GRM8: variants seen among roughly 807,000 people sequenced by gnomAD.
The protein encoded by GRM8 is glutamate metabotropic receptor 8, also known as metabotropic glutamate receptor 8.
Under a neutral mutation model 87.2 loss-of-function variants are expected in GRM8, and 47 were observed. The observed-to-expected ratio is 0.54, with a 90% CI of 0.43 to 0.69. The LOEUF is 0.69. GRM8 is among the 30% of genes least tolerant of loss of function. The pLI, the probability that GRM8 is intolerant of heterozygous loss-of-function variation, is 0.00. For missense variants in GRM8, 1,019 were observed against 1,139.2 expected, an observed-to-expected ratio of 0.89 and a Z score of 1.52; for synonymous variants, 396 against 404.5, an observed-to-expected ratio of 0.98 and a Z score of 0.25.
At chr7:126,687,625 T>C (rs1396935868) in intron 7 of GRM8, among the ~76,000 whole-genome samples, 1 of 150,858 alleles carries the variant, frequency 6.6e-6, no homozygotes, top group Non-Finnish European at 1.5e-5. Flanking sequence ...ATGGAATTGG[T>C]AGATCATCTG....
intron 7 of GRM8, among the ~76,000 whole-genome samples, chr7:126,707,730 T>C (rs1259472887): frequency 1.3e-5 from 2 of 152,034 alleles, no homozygotes; most frequent in Non-Finnish European, 2.9e-5. Context: ...TCTTACACCA[T>C]ACACAAAAAT....
chr7:126,940,461 G>A (rs1563336351), intron 3 of GRM8, among the ~76,000 whole-genome samples: 1 of 152,086 alleles, frequency 6.6e-6, no homozygotes. Flanking sequence ...GGCCGCATAT[G>A]GTGGGCACTC....
At chr7:126,521,091 G>A (rs569367895) in intron 9 of GRM8, among the ~76,000 whole-genome samples, 14 of 152,218 alleles carry the variant, frequency 9.2e-5, no homozygotes, top group Middle Eastern at 3.4e-3. Flanking sequence ...TTCAATTTGA[G>A]TAGATGAGGA....
At chr7:127,176,487 G>A (rs1794116025) in intron 2 of GRM8, among the ~76,000 whole-genome samples, 1 of 152,158 alleles carries the variant, frequency 6.6e-6, no homozygotes, top group Non-Finnish European at 1.5e-5. Flanking sequence ...ACAGGAGGCA[G>A]GACTAGATTA....
chr7:126,873,773 A>G (rs76625649), intron 6 of GRM8, among the ~76,000 whole-genome samples: 3,436 of 152,172 alleles, frequency 0.023, 141 homozygotes, highest in African/African-American at 0.079. Flanking sequence ...CAACATGGCA[A>G]CCTATTGGGC....
Position 126,842,061 on chromosome 7 carries a change from G to A in GRM8, c.1156+60481C>T, listed in dbSNP as rs578092347. ...TCAATAAATTGTTAAACCATTTAAC[G>A]TTTTTGCCAGAGAAAGAACACAATA... On this transcript the variant is annotated intron_variant, in intron 6 of 10. Coordinates refer to ENST00000339582, the MANE Select transcript of GRM8 (RefSeq NM_000845.3). 8.5e-5 allele frequency among the ~76,000 whole-genome samples: 13 copies of A among 152,276 alleles called. No individual in the cohort carries two copies. In the East Asian group the frequency reaches 9.6e-4, roughly 11 times the overall value.
chr7:126,860,116 A>C (rs913178739), intron 6 of GRM8, among the ~76,000 whole-genome samples: 1 of 152,188 alleles, frequency 6.6e-6, no homozygotes, highest in Non-Finnish European at 1.5e-5. Flanking sequence ...AGGACAAATA[A>C]CTTACAAATA....
At chr7:127,176,503 C>A (rs2116369631) in intron 2 of GRM8, among the ~76,000 whole-genome samples, 1 of 152,216 alleles carries the variant, frequency 6.6e-6, no homozygotes, top group South Asian at 2.1e-4. Context: ...GATTACAGCT[C>A]CAGAGACAGC....
chr7:126,875,508 A>C (rs1414471536), intron 6 of GRM8, among the ~76,000 whole-genome samples: 3 of 152,222 alleles, frequency 2.0e-5, no homozygotes, highest in Non-Finnish European at 4.4e-5. Context: ...TTAAGAAGTC[A>C]CCATAGGTAT....
At chr7:126,769,092 A>C (rs1480214052) in intron 7 of GRM8, among the ~76,000 whole-genome samples, 1 of 152,070 alleles carries the variant, frequency 6.6e-6, no homozygotes, top group East Asian at 1.9e-4. Context: ...GATTAAAGCC[A>C]AACCAAAAGT....
intron 3 of GRM8, among the ~76,000 whole-genome samples, chr7:127,017,598 C>G (rs532477361): frequency 4.6e-5 from 7 of 152,076 alleles, no homozygotes; most frequent in African/African-American, 1.7e-4. Context: ...TTTTCAGAGG[C>G]TAGAAAATTG....
intron 6 of GRM8, among the ~76,000 whole-genome samples, chr7:126,806,353 C>T (rs1010375527): frequency 6.6e-6 from 1 of 152,206 alleles, no homozygotes; most frequent in African/African-American, 2.4e-5. Flanking sequence ...AGTGTTACAG[C>T]TCAGAAAGCT....
intron 6 of GRM8, among the ~76,000 whole-genome samples, chr7:126,805,506 G>A (rs1346717150): frequency 6.6e-6 from 1 of 152,148 alleles, no homozygotes; most frequent in South Asian, 2.1e-4. Context: ...AGTATTACTA[G>A]AGGTTCCACT....
chr7:126,477,577 AAGAG>A (rs1250709744), intron 9 of GRM8, among the ~76,000 whole-genome samples: 45 of 77,720 alleles, frequency 5.8e-4, no homozygotes, highest in African/African-American at 2.4e-3. Context: ...GAAAGAAAGA[AAGAG>A]AGAAAGAAAG....
At chr7:126,606,648 CA>C (rs1798381052) in intron 8 of GRM8, among the ~76,000 whole-genome samples, 1 of 152,162 alleles carries the variant, frequency 6.6e-6, no homozygotes, top group African/African-American at 2.4e-5. Flanking sequence ...CCTCTCTCCA[CA>C]GTGCAATTTA....
intron 3 of GRM8, among the ~76,000 whole-genome samples, chr7:126,952,089 A>G (rs1451641296): frequency 3.3e-5 from 5 of 151,964 alleles, no homozygotes; most frequent in Non-Finnish European, 5.9e-5. Context: ...AGCAGGAGGA[A>G]AAAAATAAGC....
intron 9 of GRM8, among the ~76,000 whole-genome samples, chr7:126,502,556 G>A (rs1331598894): frequency 6.6e-6 from 1 of 152,024 alleles, no homozygotes; most frequent in Non-Finnish European, 1.5e-5. Context: ...TACAGAAGAG[G>A]AAAACATTGG....
At chr7:126,725,959 T>G (rs1338283462) in intron 7 of GRM8, among the ~76,000 whole-genome samples, 5 of 152,142 alleles carry the variant, frequency 3.3e-5, no homozygotes, top group Admixed American at 3.3e-4. Flanking sequence ...GCCCCCAGGA[T>G]GAAAACACCA....
chr7:127,011,559 C>CA (rs1393214218), intron 3 of GRM8, among the ~76,000 whole-genome samples: 4 of 151,726 alleles, frequency 2.6e-5, no homozygotes, highest in Non-Finnish European at 5.9e-5. Context: ...AAGACTTCTA[C>CA]AAAAAAAGAC....
Sources: allele counts gnomAD v4.1 joint callset (sites outside exome capture counted in the v4.1 genomes callset), GRCh38; gene constraint gnomAD v4.1.1; transcripts MANE v1.5; gene names NCBI Gene and HGNC (gene_info 2026-07-23, HGNC 2026-07-21).